The following PRDM6 variants were observed in gnomAD, a reference collection of about 807,000 sequenced individuals.
PRDM6 encodes putative histone-lysine N-methyltransferase PRDM6.
Under a neutral mutation model 60.8 loss-of-function variants are expected in PRDM6, and 25 were observed. The observed-to-expected ratio is 0.41, with a 90% confidence interval of 0.30 to 0.57. The LOEUF (loss-of-function observed/expected upper bound fraction) is 0.57. PRDM6 is among the 20% of genes least tolerant of loss of function. PRDM6 has a pLI of 0.27. For missense variants in PRDM6, 839 were observed against 821.3 expected, an observed-to-expected ratio of 1.02 and a Z score of -0.26; for synonymous variants, 407 against 357.4, an observed-to-expected ratio of 1.14 and a Z score of -1.57.
chr5:123,111,906 C>T lies in PRDM6; in HGVS notation c.900+11945C>T, dbSNP rs115405074. ...CTCTACCTTGCCTTCGCCCCTGCTACATCTTGGCTAATCTCCTGTGGACAT... is the reference window on the plus strand; with the variant it reads ...CTCTACCTTGCCTTCGCCCCTGCTATATCTTGGCTAATCTCCTGTGGACAT... On this transcript the variant is annotated intron_variant, in intron 3 of 7. Transcript: ENST00000407847. Among the ~76,000 whole-genome samples, 681 of 152,256 alleles carry T rather than the reference C, an allele frequency of 4.5e-3. 4 individuals are homozygous for T. The highest frequency in any genetic ancestry group is 0.016 in the African/African-American group (651 of 41,528).
chr5:123,187,095 G>A lies in PRDM6; in HGVS notation c.1682G>A (p.Arg561Lys). The stretch of plus-strand genomic sequence containing the variant: ...TCTCTTGCCTCCACCAGGTGCGAGA[G>A]GTGTGAGAGGAGCTTCACGCAGGCC... ...HTGEKPFKCERCERSFTQATQ... is the reference protein window; with the variant it reads ...HTGEKPFKCEKCERSFTQATQ... Residue 561 changes from arginine (R) to lysine (K), a missense_variant, in exon 8 of 8, where the codon AGG (arginine) becomes AAG (lysine). Physicochemically the swap from Arg to Lys is conservative, Grantham distance 26. This residue lies in a region of PRDM6 where 109 missense variants were observed against 172.6 expected (regional missense o/e 0.63). Coordinates refer to ENST00000407847, the MANE Select transcript of PRDM6 (RefSeq NM_001136239.4). The A allele has an allele frequency of 6.4e-7, 1 of 1,551,398 alleles. No homozygotes were observed. The highest frequency in any genetic ancestry group is 1.2e-5 in the South Asian group (1 of 84,036).
chr5:123,153,866 A>G (rs1765432525), intron 3 of PRDM6, among the ~76,000 whole-genome samples: 1 of 152,190 alleles, frequency 6.6e-6, no homozygotes, highest in African/African-American at 2.4e-5. Context: ...GGCTTCATGC[A>G]CAAAGGAGGA....
At chr5:123,115,369 A>G (rs1449031122) in intron 3 of PRDM6, among the ~76,000 whole-genome samples, 1 of 152,190 alleles carries the variant, frequency 6.6e-6, no homozygotes, top group South Asian at 2.1e-4. Context: ...CTAATCTTAC[A>G]TACCTAAATG....
intron 3 of PRDM6, among the ~76,000 whole-genome samples, chr5:123,101,535 A>C (rs1561805442): frequency 6.6e-6 from 1 of 152,228 alleles, no homozygotes; most frequent in Non-Finnish European, 1.5e-5. Context: ...TAGGAACTCT[A>C]ATATCATATA....
At chr5:123,165,596 C>T (rs1765735016) in intron 5 of PRDM6, among the ~76,000 whole-genome samples, 2 of 152,162 alleles carry the variant, frequency 1.3e-5, no homozygotes, top group Non-Finnish European at 2.9e-5. Context: ...GTAGCTCTGT[C>T]CCATAGATCA....
intron 3 of PRDM6, among the ~76,000 whole-genome samples, chr5:123,155,525 C>G (rs1019656002): frequency 2.2e-4 from 33 of 151,986 alleles, no homozygotes; most frequent in African/African-American, 8.0e-4. Flanking sequence ...GTGGATGTTC[C>G]AACAATGTCA....
At chr5:123,112,824 T>C (rs1305839377) in intron 3 of PRDM6, among the ~76,000 whole-genome samples, 1 of 123,394 alleles carries the variant, frequency 8.1e-6, no homozygotes. Context: ...TGCTGTATTC[T>C]TCTTTTATTT....
chr5:123,183,784 T>C (rs1429508960), intron 7 of PRDM6, among the ~76,000 whole-genome samples: 2 of 152,166 alleles, frequency 1.3e-5, no homozygotes, highest in Admixed American at 1.3e-4. Context: ...CTAAAAATTA[T>C]TCTATGCAGC....
At chr5:123,127,758 C>CCTTTCTTT (rs767465284) in intron 3 of PRDM6, among the ~76,000 whole-genome samples, 14 of 145,596 alleles carry the variant, frequency 9.6e-5, no homozygotes, top group African/African-American at 3.6e-4. Flanking sequence ...TCCTTTCTTT[C>CCTTTCTTT]CTTTCTTTCT....
chr5:123,101,973 G>A (rs577390119), intron 3 of PRDM6, among the ~76,000 whole-genome samples: 2 of 152,326 alleles, frequency 1.3e-5, no homozygotes, highest in South Asian at 2.1e-4. Context: ...GGGCATGTGA[G>A]TTGAGTGTGC....
intron 3 of PRDM6, among the ~76,000 whole-genome samples, chr5:123,137,407 C>G (rs547110776): frequency 6.6e-6 from 1 of 152,196 alleles, no homozygotes. Context: ...AATTACTCAC[C>G]CTCTAGCACA....
In PRDM6 at chr5:123,090,265, C is replaced by G; in HGVS notation, c.251C>G (p.Ala84Gly). The change falls in exon 2 of 8, where the codon GCT (alanine) becomes GGT (glycine). Residue 84 changes from alanine to glycine, a missense_variant. Coordinates refer to ENST00000407847, the MANE Select transcript of PRDM6 (RefSeq NM_001136239.4). ...CTCTCCTCCGCCTCGTCCACGCCGG[C>G]TTCCTCTTCCACCTCCGCCTCCTCC... The part of the protein sequence containing the change: ...ASLSSASSTP[A>G]SSSTSASSAS... 1 of 1,486,226 alleles carries G rather than the reference C, an allele frequency of 6.7e-7. No homozygotes were observed. Among genetic ancestry groups the G allele is most frequent in the Non-Finnish European group, 8.9e-7 (1 of 1,118,670 alleles). 92.1% of individuals were successfully genotyped at this position (1,486,226 alleles called of 1,614,324 possible). A position where few individuals can be genotyped will look rare whatever the true frequency, so the allele number is the denominator to read the frequency against.
chr5:123,127,671 G>A (rs575467653), intron 3 of PRDM6, among the ~76,000 whole-genome samples: 3 of 151,966 alleles, frequency 2.0e-5, no homozygotes, highest in South Asian at 2.1e-4. Context: ...TATTCTAAGG[G>A]ATTTCTTCTT....
chr5:123,167,235 T>G (rs1765772410), intron 5 of PRDM6, among the ~76,000 whole-genome samples: 4 of 151,942 alleles, frequency 2.6e-5, no homozygotes, highest in Admixed American at 1.3e-4. Context: ...TACTGATCTA[T>G]CAAACACTAG....
chr5:123,127,719 TCTTTCTTTCTTTCCTTCTTTC>T (rs1465976007), intron 3 of PRDM6, among the ~76,000 whole-genome samples: 19 of 152,050 alleles, frequency 1.2e-4, no homozygotes, highest in African/African-American at 4.3e-4. Context: ...TCTCTTTCTT[TCTTTCTTTCTTTCCTTCTTTC>T]CTTTCTTTCC....
At chr5:123,111,039 C>G (rs900209101) in intron 3 of PRDM6, among the ~76,000 whole-genome samples, 1 of 151,914 alleles carries the variant, frequency 6.6e-6, no homozygotes, top group Non-Finnish European at 1.5e-5. Context: ...CAAAGCTATT[C>G]AACAAATTAA....
At chr5:123,145,139 G>T (rs1765210919) in intron 3 of PRDM6, among the ~76,000 whole-genome samples, 1 of 152,322 alleles carries the variant, frequency 6.6e-6, no homozygotes, top group South Asian at 2.1e-4. Flanking sequence ...TGGTTTAAAT[G>T]ATTAGCTTTG....
chr5:123,096,597 G>A (rs576513600), intron 2 of PRDM6, among the ~76,000 whole-genome samples: 1 of 152,284 alleles, frequency 6.6e-6, no homozygotes, highest in East Asian at 1.9e-4. Context: ...AGCATGAAGT[G>A]GTTCACAAAT....
rs150902749 is a variant in PRDM6 at position 123,122,647 on chromosome 5, A to G, written c.900+22686A>G. On this transcript the variant is annotated intron_variant, in intron 3 of 7. Coordinates refer to ENST00000407847, the MANE Select transcript of PRDM6 (RefSeq NM_001136239.4). ...TTTCATTGCAATTTTTTTATTACAT[A>G]GGATAATTGCTACAGAAAACTGGGA... Among the ~76,000 whole-genome samples, 1,056 of 152,312 alleles carry G rather than the reference A, an allele frequency of 6.9e-3. 13 individuals are homozygous for G. The highest frequency in any genetic ancestry group is 0.024 in the African/African-American group (1,014 of 41,574).
Sources: allele counts gnomAD v4.1 joint callset (sites outside exome capture counted in the v4.1 genomes callset), GRCh38; gene constraint gnomAD v4.1.1; regional missense constraint gnomAD v4.1.1; transcripts MANE v1.5; gene names NCBI Gene and HGNC (gene_info 2026-07-23, HGNC 2026-07-21).